The following RALGAPA2 variants were observed in gnomAD, a reference collection of about 807,000 sequenced individuals.
The protein encoded by RALGAPA2 is Ral GTPase activating protein catalytic subunit alpha 2.
RALGAPA2 carries 139 observed loss-of-function variants against 230.4 expected under a neutral mutation model. That is an observed-to-expected ratio of 0.60 (90% confidence interval 0.53 to 0.69). RALGAPA2 has a LOEUF of 0.69. Among genes scored for constraint, RALGAPA2 ranks in the 30% least tolerant of loss-of-function variants. The pLI, the probability that RALGAPA2 is intolerant of heterozygous loss-of-function variation, is 0.00. For synonymous variants in RALGAPA2, 847 were observed against 837.8 expected, an observed-to-expected ratio of 1.01 and a Z score of -0.19; for missense variants, 2,163 against 2,276.0, an observed-to-expected ratio of 0.95 and a Z score of 1.01.
chr20:20,590,482 GATAA>G (rs1221055225), intron 17 of RALGAPA2, among the ~76,000 whole-genome samples: 1 of 152,096 alleles, frequency 6.6e-6, no homozygotes, highest in Admixed American at 6.6e-5. Flanking sequence ...ATAACTTGTT[GATAA>G]ATAGAGTTGA....
At chr20:20,611,839 A>C (rs2065985021) in intron 13 of RALGAPA2, among the ~76,000 whole-genome samples, 1 of 152,198 alleles carries the variant, frequency 6.6e-6, no homozygotes, top group Non-Finnish European at 1.5e-5. Flanking sequence ...TCATTGCAAC[A>C]GGAGGTGAAG....
In RALGAPA2 at chr20:20,692,737, A is replaced by G. The variant is rs150916198; in HGVS notation, c.107-11936T>C. Among the ~76,000 whole-genome samples, 1,115 of 152,314 alleles carry G rather than the reference A, an allele frequency of 7.3e-3. 15 individuals are homozygous for G. The highest frequency in any genetic ancestry group is 0.025 in the African/African-American group (1,047 of 41,566). On this transcript the variant is annotated intron_variant, in intron 1 of 39. Transcript: ENST00000202677. ...TTTGGATATCATTCTATCTGGGTGC[A>G]ATGGCTGTGGGCATTTTGCCACCCT... is the stretch of plus-strand genomic sequence containing the variant.
chr20:20,601,262 G>A (rs2065642491), intron 16 of RALGAPA2, among the ~76,000 whole-genome samples: 1 of 152,120 alleles, frequency 6.6e-6, no homozygotes, highest in Admixed American at 6.5e-5. Flanking sequence ...TTCCAAAGGA[G>A]CAAAAAATGA....
At chr20:20,468,923 G>A (rs988025581) in intron 37 of RALGAPA2, among the ~76,000 whole-genome samples, 2 of 151,588 alleles carry the variant, frequency 1.3e-5, no homozygotes, top group Non-Finnish European at 2.9e-5. Context: ...CCCCTTAAAT[G>A]TTTCCATCAC....
intron 26 of RALGAPA2, 125 bp downstream of exon 26, chr20:20,535,620 T>A: frequency 7.5e-7 from 1 of 1,325,704 alleles, no homozygotes; most frequent in South Asian, 2.0e-5. Context: ...TCATTCTTCC[T>A]AGACTTTTCA....
intron 23 of RALGAPA2, among the ~76,000 whole-genome samples, chr20:20,550,135 T>C (rs6046925): frequency 0.082 from 12,507 of 152,140 alleles, 732 homozygotes; most frequent in East Asian, 0.16. Context: ...TTATCCCTCA[T>C]CCCCTTCCAC....
At chr20:20,575,090 G>A (rs2064776401) in intron 20 of RALGAPA2, among the ~76,000 whole-genome samples, 1 of 152,088 alleles carries the variant, frequency 6.6e-6, no homozygotes, top group South Asian at 2.1e-4. Context: ...TCTTTTGCTG[G>A]TGCTTCTTCA....
At chr20:20,657,637 T>C (rs1026130172) in intron 3 of RALGAPA2, among the ~76,000 whole-genome samples, 3 of 152,192 alleles carry the variant, frequency 2.0e-5, no homozygotes, top group Admixed American at 6.5e-5. Context: ...GTTCTCCCCA[T>C]GCTTTCTGTG....
In RALGAPA2 at chr20:20,475,913, T is replaced by C. The variant is rs374201069; in HGVS notation, c.5368-2957A>G. 5.3e-5 allele frequency among the ~76,000 whole-genome samples: 8 copies of C among 152,272 alleles called. No individual in the cohort carries two copies. The East Asian group carries it at 1.5e-3, about 29-fold the overall frequency. ...TTTTGATAAGCCTCAGAAAACAATATACTCCTCAAATCAGTTATATTTCTG... is the reference window on the plus strand; with the variant it reads ...TTTTGATAAGCCTCAGAAAACAATACACTCCTCAAATCAGTTATATTTCTG... On this transcript the variant is annotated intron_variant, in intron 36 of 39. Transcript: ENST00000202677.
chr20:20,594,786 T>TG (rs1447351918), intron 16 of RALGAPA2, among the ~76,000 whole-genome samples: 3 of 148,560 alleles, frequency 2.0e-5, no homozygotes, highest in African/African-American at 7.4e-5. Context: ...TGGAGCACAA[T>TG]GGCGTGATCT....
At chr20:20,422,664 C>T (rs1318501687) in intron 37 of RALGAPA2, among the ~76,000 whole-genome samples, 1 of 152,208 alleles carries the variant, frequency 6.6e-6, no homozygotes, top group Non-Finnish European at 1.5e-5. Flanking sequence ...TCACTGAACA[C>T]ATGAGAGAAC....
rs757282687 is a variant in RALGAPA2 at position 20,619,232 on chromosome 20, G to A, written c.1539+45C>T. 2.6e-5 allele frequency: 40 copies of A among 1,534,284 alleles called. No individual in the cohort carries two copies. In the South Asian group the frequency reaches 3.3e-4, roughly 13 times the overall value. On this transcript the variant is annotated intron_variant, in intron 12 of 39. Coordinates refer to ENST00000202677, the MANE Select transcript of RALGAPA2 (RefSeq NM_020343.4). ...TAAACAAAAAGACAAAATGGCTCCA[G>A]CTGTAGGCGGTGGAGGGGTCTTCAT...
intron 11 of RALGAPA2, among the ~76,000 whole-genome samples, chr20:20,619,943 T>C (rs2066269667): frequency 6.6e-6 from 1 of 152,208 alleles, no homozygotes; most frequent in Non-Finnish European, 1.5e-5. Context: ...TATAGCTTTA[T>C]CTAACATGGA....
intron 10 of RALGAPA2, among the ~76,000 whole-genome samples, chr20:20,622,909 T>A (rs1036602840): frequency 2.0e-5 from 3 of 152,174 alleles, no homozygotes; most frequent in Admixed American, 2.0e-4. Flanking sequence ...CAATGGCATA[T>A]AAACTGAGGA....
In RALGAPA2 at chr20:20,601,713, C is replaced by T. The variant is rs771822263; in HGVS notation, c.2172G>A (p.Lys724=). Reference sequence around the variant, plus strand: ...CTTTTTGGCGAACAATATTTCTTGCCTTTTCCACTCCCGGTGCTCCAGACG... The same window carrying T: ...CTTTTTGGCGAACAATATTTCTTGCTTTTTCCACTCCCGGTGCTCCAGACG... ...ATTSGAPGVE[K]ARNIVRQKAT... is the part of the protein sequence containing the mutation. Residue 724 remains lysine, a synonymous_variant, in exon 16 of 40, where the codon AAG becomes AAA. Coordinates refer to ENST00000202677, the MANE Select transcript of RALGAPA2 (RefSeq NM_020343.4). 5.6e-6 allele frequency: 9 copies of T among 1,612,914 alleles called. No individual in the cohort carries two copies. The highest frequency in any genetic ancestry group is 1.7e-5 in the Admixed American group (1 of 59,890).
chr20:20,559,525 T>C (rs2064190779), intron 23 of RALGAPA2, among the ~76,000 whole-genome samples: 1 of 152,134 alleles, frequency 6.6e-6, no homozygotes, highest in Non-Finnish European at 1.5e-5. Flanking sequence ...CATACAAATC[T>C]CACCATGGCA....
intron 23 of RALGAPA2, among the ~76,000 whole-genome samples, chr20:20,566,494 T>C (rs1213084150): frequency 1.3e-5 from 2 of 152,034 alleles, no homozygotes; most frequent in African/African-American, 4.8e-5. Flanking sequence ...AGTAAGAAAA[T>C]GTATATGGAG....
intron 23 of RALGAPA2, among the ~76,000 whole-genome samples, chr20:20,548,346 C>T (rs985983052): frequency 6.6e-6 from 1 of 152,172 alleles, no homozygotes; most frequent in African/African-American, 2.4e-5. Context: ...TATGTGTTCA[C>T]AAACCATTTT....
intron 23 of RALGAPA2, 97 bp from the exon 24 acceptor site, chr20:20,546,929 C>A: frequency 8.0e-7 from 1 of 1,248,288 alleles, no homozygotes; most frequent in Non-Finnish European, 1.1e-6. Context: ...GTATAATAAT[C>A]CAAGAGAGCA....
Sources: allele counts gnomAD v4.1 joint callset (sites outside exome capture counted in the v4.1 genomes callset), GRCh38; gene constraint gnomAD v4.1.1; transcripts MANE v1.5; gene names NCBI Gene and HGNC (gene_info 2026-07-23, HGNC 2026-07-21).